PTPRD: variants seen among roughly 807,000 people sequenced by gnomAD.
PTPRD encodes protein tyrosine phosphatase receptor type D.
Under a neutral mutation model 214.5 loss-of-function variants are expected in PTPRD, and 34 were observed. The observed-to-expected ratio is 0.16, with a 90% CI of 0.12 to 0.21. PTPRD has a LOEUF of 0.21. Ranked by LOEUF, PTPRD falls within the 10% of genes least tolerant of loss-of-function variation. The probability of loss-of-function intolerance (pLI) is 1.00; values close to 1 mark genes in which losing one functional copy is unlikely to be tolerated. For synonymous variants in PTPRD, 1,128 were observed against 845.7 expected (o/e 1.33, Z -5.79); for missense variants, 2,545 against 2,398.7 (o/e 1.06, Z -1.27).
At chr9:8,630,935 G>C (rs1304638411) in intron 14 of PTPRD, among the ~76,000 whole-genome samples, 1 of 151,912 alleles carries the variant, frequency 6.6e-6, no homozygotes, top group Non-Finnish European at 1.5e-5. Flanking sequence ...GATTTGGAAA[G>C]TGAGAAAACT....
chr9:10,419,423 T>C lies in PTPRD; in HGVS notation c.-599-78406A>G, dbSNP rs143654654. Among the ~76,000 whole-genome samples the C allele has an allele frequency of 2.4e-3, 370 of 151,940 alleles. 1 individual carries two copies. The highest frequency in any genetic ancestry group is 8.5e-3 in the African/African-American group (352 of 41,520). On this transcript the variant is annotated intron_variant, in intron 2 of 45. Coordinates refer to ENST00000381196, the MANE Select transcript of PTPRD (RefSeq NM_002839.4). ...GTTCTTTTTACCTAAAACTCTATTT[T>C]ATATCAAATTATGGCCATTATAAAC...
At chr9:8,986,006 T>C (rs1393049020) in intron 11 of PTPRD, among the ~76,000 whole-genome samples, 1 of 152,092 alleles carries the variant, frequency 6.6e-6, no homozygotes, top group Non-Finnish European at 1.5e-5. Context: ...TATAAAAGCT[T>C]TTTTACAGTA....
At chr9:9,973,645 G>A (rs2095239351) in intron 4 of PTPRD, among the ~76,000 whole-genome samples, 1 of 152,098 alleles carries the variant, frequency 6.6e-6, no homozygotes, top group African/African-American at 2.4e-5. Context: ...CAAGTACATG[G>A]GGCACTCACA....
intron 10 of PTPRD, among the ~76,000 whole-genome samples, chr9:9,057,610 C>A (rs2099698761): frequency 6.6e-6 from 1 of 151,588 alleles, no homozygotes; most frequent in Non-Finnish European, 1.5e-5. Flanking sequence ...GTAGATCTGA[C>A]ATGTTACCGT....
chr9:8,349,165 C>T (rs1027944444), intron 39 of PTPRD, among the ~76,000 whole-genome samples: 3 of 152,122 alleles, frequency 2.0e-5, no homozygotes, highest in African/African-American at 7.2e-5. Flanking sequence ...TACATGTTTA[C>T]AAAGATAAAG....
chr9:9,697,436 G>C (rs541677102), intron 7 of PTPRD, among the ~76,000 whole-genome samples: 1 of 152,090 alleles, frequency 6.6e-6, no homozygotes, highest in Non-Finnish European at 1.5e-5. Context: ...TTGAAGAATA[G>C]CTTTGTTGGG....
intron 11 of PTPRD, among the ~76,000 whole-genome samples, chr9:8,998,550 G>C (rs1158711923): frequency 6.6e-6 from 1 of 151,972 alleles, no homozygotes; most frequent in Non-Finnish European, 1.5e-5. Context: ...AGTTACCCAA[G>C]AGCTCTGATG....
At chr9:8,373,412 T>G (rs994888622) in intron 39 of PTPRD, among the ~76,000 whole-genome samples, 3 of 152,008 alleles carry the variant, frequency 2.0e-5, no homozygotes, top group Non-Finnish European at 4.4e-5. Context: ...TGTTTCGAAG[T>G]TGCTAACAAA....
chr9:8,363,711 C>G lies in PTPRD; in HGVS notation c.4661+12225G>C, dbSNP rs1298545182. 2.0e-5 allele frequency among the ~76,000 whole-genome samples: 3 copies of G among 152,106 alleles called. 1 individual carries two copies. The highest frequency in any genetic ancestry group is 4.1e-4 in the South Asian group (2 of 4,822). On this transcript the variant is annotated intron_variant, in intron 39 of 45. Coordinates refer to ENST00000381196, the MANE Select transcript of PTPRD (RefSeq NM_002839.4). Reference sequence around the variant, plus strand: ...GGCTGACCAATGTCCTATTGGGGCTCAAAAGTTTGATGGGATAACTTGGAA... The same window carrying G: ...GGCTGACCAATGTCCTATTGGGGCTGAAAAGTTTGATGGGATAACTTGGAA...
At chr9:8,822,674 C>A (rs573775293) in intron 11 of PTPRD, among the ~76,000 whole-genome samples, 21 of 152,232 alleles carry the variant, frequency 1.4e-4, no homozygotes, top group African/African-American at 5.1e-4. Context: ...TACCTCACAG[C>A]CTTCGGTTGG....
At chr9:9,839,650 G>T (rs2057788048) in intron 5 of PTPRD, among the ~76,000 whole-genome samples, 1 of 151,964 alleles carries the variant, frequency 6.6e-6, no homozygotes, top group African/African-American at 2.4e-5. Context: ...CAGATTCAAT[G>T]CCATCCCCAT....
chr9:9,368,682 A>G (rs973988902), intron 9 of PTPRD, among the ~76,000 whole-genome samples: 3 of 151,910 alleles, frequency 2.0e-5, no homozygotes, highest in Admixed American at 6.6e-5. Flanking sequence ...ACTGAATAAT[A>G]AATATGAACC....
At chr9:10,541,738 T>C (rs1257014970) in intron 2 of PTPRD, among the ~76,000 whole-genome samples, 2 of 152,042 alleles carry the variant, frequency 1.3e-5, no homozygotes, top group Admixed American at 6.6e-5. Flanking sequence ...GACAATTCTA[T>C]GGAAATTTAA....
intron 10 of PTPRD, among the ~76,000 whole-genome samples, chr9:9,082,966 G>T (rs1401660608): frequency 6.6e-6 from 1 of 152,056 alleles, no homozygotes; most frequent in Non-Finnish European, 1.5e-5. Context: ...CATGAAAATG[G>T]CCATACTGCC....
chr9:10,611,751 T>G (rs1206082724), intron 2 of PTPRD, among the ~76,000 whole-genome samples: 1 of 152,192 alleles, frequency 6.6e-6, no homozygotes, highest in Non-Finnish European at 1.5e-5. Context: ...AAAGTATTTT[T>G]CACATTCTCT....
chr9:9,057,296 A>AT (rs1279178348), intron 10 of PTPRD, among the ~76,000 whole-genome samples: 2 of 152,064 alleles, frequency 1.3e-5, no homozygotes, highest in East Asian at 1.9e-4. Flanking sequence ...GCAATGATAT[A>AT]TTTTTTTTCT....
At chr9:9,584,355 T>C (rs1416854084) in intron 7 of PTPRD, among the ~76,000 whole-genome samples, 4 of 128,684 alleles carry the variant, frequency 3.1e-5, no homozygotes, top group South Asian at 2.2e-4. Context: ...TTTTATTTCA[T>C]CACCATTATT....
intron 35 of PTPRD, among the ~76,000 whole-genome samples, chr9:8,425,575 G>A (rs2094605988): frequency 6.6e-6 from 1 of 152,166 alleles, no homozygotes; most frequent in Non-Finnish European, 1.5e-5. Flanking sequence ...AAACTTCAGT[G>A]ACTCTCCAAG....
chr9:9,732,837 G>A (rs755277264), intron 7 of PTPRD, among the ~76,000 whole-genome samples: 1 of 151,818 alleles, frequency 6.6e-6, no homozygotes, highest in African/African-American at 2.4e-5. Flanking sequence ...TCGTCTCAGC[G>A]ATTCTGGAGG....
Sources: allele counts gnomAD v4.1 joint callset (sites outside exome capture counted in the v4.1 genomes callset), GRCh38; gene constraint gnomAD v4.1.1; transcripts MANE v1.5; gene names NCBI Gene and HGNC (gene_info 2026-07-23, HGNC 2026-07-21).